Variants in RS1 observed in about 807,000 individuals in gnomAD.
RS1 encodes retinoschisin 1.
RS1 carries 2 observed loss-of-function variants against 20.8 expected under a neutral mutation model. The observed-to-expected ratio is 0.10, with a 90% CI of 0.04 to 0.30. The LOEUF is 0.30. Ranked by LOEUF, RS1 falls within the 10% of genes least tolerant of loss-of-function variation. The pLI, the probability that RS1 is intolerant of heterozygous loss-of-function variation, is 1.00. For synonymous variants in RS1, 70 were observed against 75.8 expected, an observed-to-expected ratio of 0.92 and a Z score of 0.40; for missense variants, 151 against 189.8, an observed-to-expected ratio of 0.80 and a Z score of 1.20.
At position 18,642,058 on chromosome X, in the gene RS1, G is replaced by A. The variant is rs281865360; in HGVS notation, c.621C>T (p.His207=). The A allele has an allele frequency of 4.1e-6, 5 of 1,209,755 alleles. No homozygotes were observed. Among genetic ancestry groups the A allele is most frequent in the Middle Eastern group, 2.3e-4 (1 of 4,326 alleles). Residue 207 remains histidine (H), a synonymous_variant, in exon 6 of 6, where the codon CAC becomes CAT. Transcript: ENST00000379984. ...RFIRLIPLGW[H]VRIAIRMELL... is the part of the protein sequence containing the mutation. ...GCTCCATCCGGATGGCAATGCGGAC[G>A]TGCCAGCCCAGCGGGATGAGGCGGA...
chrX:18,660,893 A>C (rs1928296882), intron 1 of RS1, among the ~76,000 whole-genome samples: 1 of 111,703 alleles, frequency 9.0e-6, no homozygotes, highest in African/African-American at 3.3e-5. Context: ...TGGGCTATGC[A>C]GGGGCTGCAG....
In RS1 at chrX:18,671,827, G is replaced by T. The variant is rs1047007812; in HGVS notation, c.52+190C>A. Among the ~76,000 whole-genome samples the T allele has an allele frequency of 2.3e-4, 26 of 111,644 alleles. No homozygotes were observed. In the Admixed American group the frequency reaches 2.4e-3, roughly 10 times the overall value. On this transcript the variant is annotated intron_variant, in intron 1 of 5. Transcript: ENST00000379984. ...TTTAAGCATCCTTTGAACTTTAGAAGGCTCCTCACAGAACTGGAAAGCCAT... is the reference window on the plus strand; with the variant it reads ...TTTAAGCATCCTTTGAACTTTAGAATGCTCCTCACAGAACTGGAAAGCCAT...
Position 18,670,308 on chromosome X carries a change from C to T in RS1, c.52+1709G>A, listed in dbSNP as rs191938384. Among the ~76,000 whole-genome samples the T allele has an allele frequency of 3.4e-3, 355 of 104,949 alleles. 2 individuals carry two copies. The highest frequency in any genetic ancestry group is 0.012 in the African/African-American group (336 of 28,711). 91.1% of individuals were successfully genotyped at this position (104,949 alleles called of 115,157 possible). A position where few individuals can be genotyped will look rare whatever the true frequency, so the allele number is the denominator to read the frequency against. ...TGGCATGATCTCAGCTCACTGCAAC[C>T]TCCCTCTCCAGCAATCAGACGATTC... is the stretch of plus-strand genomic sequence containing the variant. On this transcript the variant is annotated intron_variant, in intron 1 of 5. Coordinates refer to ENST00000379984, the MANE Select transcript of RS1 (RefSeq NM_000330.4).
chrX:18,643,957 G>C, intron 5 of RS1, among the ~76,000 whole-genome samples: 1 of 111,344 alleles, frequency 9.0e-6, no homozygotes, highest in Non-Finnish European at 1.9e-5. Flanking sequence ...CTGTGTTTGT[G>C]CTGGTGAAGT....
At chrX:18,650,700 C>A in intron 3 of RS1, 1 of 907,140 alleles carries the variant, frequency 1.1e-6, no homozygotes, top group Non-Finnish European at 1.6e-6. Flanking sequence ...GGGATTCTGA[C>A]ATCATTGGCC....
rs200052722 is a variant in RS1 at position 18,642,082 on chromosome X, G to A, written c.597C>T (p.Ile199=). 8.3e-7 allele frequency: 1 copy of A among 1,209,755 alleles called. No homozygotes were observed. Among genetic ancestry groups the A allele is most frequent in the African/African-American group, 1.8e-5 (1 of 57,087 alleles). The change falls in exon 6 of 6, where the codon ATC becomes ATT. Residue 199 remains isoleucine (I), a synonymous_variant. Transcript: ENST00000379984. The part of the protein sequence containing the change: ...LLRPPIISRF[I]RLIPLGWHVR... ...CGTGCCAGCCCAGCGGGATGAGGCG[G>A]ATGAAGCGGGAGATGATGGGGGGCC...
In RS1 at chrX:18,652,539, G is replaced by T. The variant is rs752921170; in HGVS notation, c.184+4114C>A. Reference sequence around the variant, plus strand: ...CAAAAATTAGCCGAGCGCAGTGGTTGGCACCTGTAATCCCAGCTACTTGGG... The same window carrying T: ...CAAAAATTAGCCGAGCGCAGTGGTTTGCACCTGTAATCCCAGCTACTTGGG... On this transcript the variant is annotated intron_variant, in intron 3 of 5. Transcript: ENST00000379984. Among the ~76,000 whole-genome samples, 7 of 111,415 alleles carry T rather than the reference G, an allele frequency of 6.3e-5. No individual in the cohort carries two copies. The South Asian group carries it at 1.5e-3, about 24-fold the overall frequency.
At chrX:18,650,009 C>G in intron 3 of RS1, 1 of 253,063 alleles carries the variant, frequency 4.0e-6, no homozygotes, top group Non-Finnish European at 7.3e-6. Context: ...GGGCTACTAG[C>G]TCTGAGAGAG....
In RS1 at chrX:18,650,533, T is replaced by C. The variant is rs2147197846; in HGVS notation, c.185-3201A>G. The C allele has an allele frequency of 3.3e-6, 4 of 1,211,696 alleles. No individual in the cohort carries two copies. The highest frequency in any genetic ancestry group is 3.0e-5 in the East Asian group (1 of 33,851). ...GTACTCCAGGTCCGAGGCACTTCCA[T>C]GTGCCCGACACTCCAGGTCCGAGGC... On this transcript the variant is annotated intron_variant, in intron 3 of 5. Transcript: ENST00000379984.
At chrX:18,667,749 T>C (rs1465996376) in intron 1 of RS1, among the ~76,000 whole-genome samples, 1 of 111,059 alleles carries the variant, frequency 9.0e-6, no homozygotes. Context: ...TCAGAGCCAA[T>C]TCCTGGGTGC....
chrX:18,651,816 G>T (rs1186525835), intron 3 of RS1, among the ~76,000 whole-genome samples: 3 of 111,709 alleles, frequency 2.7e-5, no homozygotes, highest in Admixed American at 9.4e-5. Context: ...GCACACTCCA[G>T]TTCTCTTATT....
chrX:18,644,275 G>A (rs1164247992), intron 5 of RS1, among the ~76,000 whole-genome samples, 155 bp downstream of exon 5: 1 of 111,923 alleles, frequency 8.9e-6, no homozygotes, highest in Non-Finnish European at 1.9e-5. Flanking sequence ...GCAAGCCCAG[G>A]AAAGAGAGCA....
chrX:18,651,521 G>A (rs1333539938), intron 3 of RS1, among the ~76,000 whole-genome samples: 2 of 111,051 alleles, frequency 1.8e-5, no homozygotes, highest in African/African-American at 6.6e-5. Context: ...GGAGCCCTAA[G>A]CTCTGGGCAC....
intron 1 of RS1, among the ~76,000 whole-genome samples, chrX:18,663,499 A>G (rs1341780729): frequency 9.2e-6 from 1 of 108,504 alleles, no homozygotes; most frequent in Non-Finnish European, 1.9e-5. Flanking sequence ...CCGTGCCACC[A>G]CACCCAATAT....
In RS1 at chrX:18,656,739, C is replaced by G; in HGVS notation, c.98G>C (p.Trp33Ser). 1.7e-6 allele frequency: 2 copies of G among 1,210,613 alleles called. No homozygotes were observed. Among genetic ancestry groups the G allele is most frequent in the Non-Finnish European group, 2.2e-6 (2 of 894,680 alleles). The change falls in exon 3 of 6, where the codon TGG (tryptophan) becomes TCG (serine). Residue 33 changes from tryptophan to serine, a missense_variant. Trp to Ser is a radical substitution (Grantham distance 177). Coordinates refer to ENST00000379984, the MANE Select transcript of RS1 (RefSeq NM_000330.4). ...ATCGCACTTGCATGCTTTTTGGTAC[C>G]AGGGGTCCTCGCCTTCATCCTGCAG... ...SSTEDEGEDP[W>S]YQKACKCDCQ...
chrX:18,651,264 T>TGTGTGTGTGAGAGAGA (rs1491242962), intron 3 of RS1, among the ~76,000 whole-genome samples: 13 of 69,012 alleles, frequency 1.9e-4, no homozygotes, highest in African/African-American at 6.9e-4. Context: ...TGTGTGTGTG[T>TGTGTGTGTGAGAGAGA]GAGAGAGAGA....
In RS1 at chrX:18,641,454, G is replaced by T; in HGVS notation, c.*550C>A. The T allele has an allele frequency of 8.3e-6, 1 of 120,378 alleles. No individual in the cohort carries two copies. The highest frequency in any genetic ancestry group is 8.2e-5 in the Admixed American group (1 of 12,152). 9.9% of individuals were successfully genotyped at this position (120,378 alleles called of 1,213,427 possible). On this transcript the variant is annotated 3_prime_UTR_variant, in exon 6 of 6. Coordinates refer to ENST00000379984, the MANE Select transcript of RS1 (RefSeq NM_000330.4). The stretch of plus-strand genomic sequence containing the variant: ...TCACGTATAGCCTCTCAGGGCACCG[G>T]GATTCTCACCCACCGCACTCATCCC...
At chrX:18,648,191 T>G (rs1481947957) in intron 3 of RS1, among the ~76,000 whole-genome samples, 3 of 110,618 alleles carry the variant, frequency 2.7e-5, no homozygotes, top group African/African-American at 6.6e-5. Flanking sequence ...TCGAGTTACC[T>G]GGTCAGAGGC....
chrX:18,647,366 A>C (rs373771930), intron 3 of RS1, 34 bp from the exon 4 acceptor site: 7 of 1,195,922 alleles, frequency 5.9e-6, no homozygotes, highest in Non-Finnish European at 7.9e-6. Context: ...ATTCACACAT[A>C]TCTCAATACT....
Sources: gnomAD v4.1 joint callset for allele counts (sites outside exome capture counted in the v4.1 genomes callset) on GRCh38, gnomAD v4.1.1 for gene constraint, MANE v1.5 for transcripts, NCBI Gene and HGNC (gene_info 2026-07-23, HGNC 2026-07-21) for gene names.